NTSR2: variants seen among roughly 807,000 people sequenced by gnomAD.
The protein encoded by NTSR2 is neurotensin receptor type 2.
A neutral mutation model predicts 24.1 loss-of-function variants in NTSR2; 22 were observed. The ratio of observed to expected loss-of-function variants is 0.91; its 90% CI spans 0.65 to 1.30. NTSR2 has a LOEUF of 1.30. NTSR2 is among the 50% of genes most tolerant of loss of function. The pLI, the probability that NTSR2 is intolerant of heterozygous loss-of-function variation, is 0.00. For missense variants in NTSR2, 570 were observed against 570.4 expected (o/e 1.00, Z 0.01); for synonymous variants, 291 against 267.0 (o/e 1.09, Z -0.88).
chr2:11,667,640 G>A (rs568572428), intron 1 of NTSR2, among the ~76,000 whole-genome samples: 7 of 152,224 alleles, frequency 4.6e-5, no homozygotes, highest in African/African-American at 1.4e-4. Flanking sequence ...CTACTGCACC[G>A]AGCCTTATAA....
chr2:11,669,459 C>CGGGGCGGGGGG, intron 1 of NTSR2, 47 bp downstream of exon 1: 20 of 337,884 alleles, frequency 5.9e-5, no homozygotes, highest in East Asian at 1.7e-4. Flanking sequence ...CTCCCAGCAC[C>CGGGGCGGGGGG]GCCCCCCCAC....
chr2:11,662,884 A>G (rs766843674), intron 1 of NTSR2, among the ~76,000 whole-genome samples: 7 of 152,246 alleles, frequency 4.6e-5, no homozygotes, highest in Non-Finnish European at 8.8e-5. Flanking sequence ...AAATAGACTC[A>G]TAGCAAGTCT....
At chr2:11,669,460 G>GGGGGCGGGGGGGCCCCCCCCCCCCCCCCC in intron 1 of NTSR2, 46 bp downstream of exon 1, 1 of 254,726 alleles carries the variant, frequency 3.9e-6, no homozygotes. Context: ...TCCCAGCACC[G>GGGGGCGGGGGGGCCCCCCCCCCCCCCCCC]CCCCCCCACC....
chr2:11,669,857 G>A lies in NTSR2; in HGVS notation c.273C>T (p.Leu91=). ...LLLLVGVPVE[L]YSFVWFHYPW... is the part of the protein sequence containing the mutation. ...GGTAGTGGAACCACACGAAGCTGTA[G>A]AGCTCCACCGGCACGCCGACCAGCA... The change falls in exon 1 of 4, where the codon CTC becomes CTT. Residue 91 remains leucine (L), a synonymous_variant. Transcript: ENST00000306928. 3.2e-6 allele frequency: 5 copies of A among 1,585,604 alleles called. No homozygotes were observed. The highest frequency in any genetic ancestry group is 4.3e-6 in the Non-Finnish European group (5 of 1,172,520).
intron 1 of NTSR2, among the ~76,000 whole-genome samples, chr2:11,662,997 T>C (rs192762436): frequency 1.6e-4 from 24 of 152,310 alleles, no homozygotes; most frequent in Admixed American, 5.2e-4. Context: ...CAGAATGACA[T>C]TCACTTCTTA....
At chr2:11,664,362 C>G (rs940783153) in intron 1 of NTSR2, among the ~76,000 whole-genome samples, 9 of 152,158 alleles carry the variant, frequency 5.9e-5, no homozygotes, top group African/African-American at 2.2e-4. Context: ...AAGCAATCTG[C>G]CCACCTTGGC....
intron 1 of NTSR2, among the ~76,000 whole-genome samples, chr2:11,669,096 C>T (rs1303318873): frequency 6.6e-6 from 1 of 152,098 alleles, no homozygotes; most frequent in Admixed American, 6.5e-5. Flanking sequence ...GGAGTGCCTT[C>T]CCCGTCCCCA....
At chr2:11,666,498 A>G (rs1418420019) in intron 1 of NTSR2, among the ~76,000 whole-genome samples, 2 of 152,114 alleles carry the variant, frequency 1.3e-5, no homozygotes, top group African/African-American at 4.8e-5. Context: ...CAGGAGATCA[A>G]GACTATCCTG....
intron 2 of NTSR2, among the ~76,000 whole-genome samples, chr2:11,661,716 C>T (rs552529610): frequency 6.6e-6 from 1 of 152,314 alleles, no homozygotes; most frequent in African/African-American, 2.4e-5. Context: ...GTGGTCAGGT[C>T]TCTGTTTGCC....
At chr2:11,664,615 A>C (rs539258548) in intron 1 of NTSR2, among the ~76,000 whole-genome samples, 1 of 152,352 alleles carries the variant, frequency 6.6e-6, no homozygotes, top group Admixed American at 6.5e-5. Context: ...TTATATCAGT[A>C]ATGACATACT....
rs1442205542 is a variant in NTSR2, at chr2:11,660,057, A to G, written c.975T>C (p.Asp325=). The G allele has an allele frequency of 6.2e-7, 1 of 1,613,900 alleles. No individual in the cohort carries two copies. Among genetic ancestry groups the G allele is most frequent in the South Asian group, 1.1e-5 (1 of 91,082 alleles). The change falls in exon 3 of 4, where the codon GAT becomes GAC. Residue 325 remains aspartate, a synonymous_variant. Transcript: ENST00000306928. ...ARRLMYCYVP[D]DAWTDPLYNF... is the part of the protein sequence containing the mutation. The stretch of plus-strand genomic sequence containing the variant: ...GCCACACTCACTCAGTCCACGCGTC[A>G]TCAGGTACGTAGCAGTACATGAGCC...
At chr2:11,661,236 G>T (rs1306492596) in intron 2 of NTSR2, among the ~76,000 whole-genome samples, 1 of 152,204 alleles carries the variant, frequency 6.6e-6, no homozygotes, top group Non-Finnish European at 1.5e-5. Flanking sequence ...GAGCGCAATA[G>T]GTCTCAAAAG....
chr2:11,669,896 C>G lies in NTSR2; in HGVS notation c.234G>C (p.Ala78=). The change falls in exon 1 of 4, where the codon GCG becomes GCC. Residue 78 remains alanine (A), a synonymous_variant. Transcript: ENST00000306928. ...LRHHVLSLAL[A]GLLLLLVGVP... ...CGCCGACCAGCAGCAGCAGCAGGCC[C>G]GCGAGCGCCAGGCTGAGCACGTGGT... The G allele has an allele frequency of 1.3e-6, 2 of 1,574,562 alleles. No homozygotes were observed. Among genetic ancestry groups the G allele is most frequent in the Non-Finnish European group, 1.7e-6 (2 of 1,166,804 alleles).
Position 11,658,403 on chromosome 2 carries a change from T to C in NTSR2, c.*76A>G. 1.3e-6 allele frequency: 2 copies of C among 1,514,240 alleles called. No individual in the cohort carries two copies. Among genetic ancestry groups the C allele is most frequent in the Admixed American group, 2.2e-5 (1 of 45,822 alleles). The allele number at this position is 1,514,240 out of a possible 1,614,324, so 93.8% of individuals were successfully genotyped here. ...GCTGCGAAGCTTGAATGATTAGTGATGAGGTTGCTCACCTGCTTTGCCAGG... is the reference window on the plus strand; with the variant it reads ...GCTGCGAAGCTTGAATGATTAGTGACGAGGTTGCTCACCTGCTTTGCCAGG... On this transcript the variant is annotated 3_prime_UTR_variant, in exon 4 of 4. Coordinates refer to ENST00000306928, the MANE Select transcript of NTSR2 (RefSeq NM_012344.4).
At chr2:11,659,942 G>A in intron 3 of NTSR2, 101 bp downstream of exon 3, 1 of 873,530 alleles carries the variant, frequency 1.1e-6, no homozygotes, top group Admixed American at 2.0e-5. Context: ...GGATTCCAGA[G>A]GACCCAGCAA....
Position 11,669,890 on chromosome 2 carries a change from C to T in NTSR2, c.240G>A (p.Leu80=), listed in dbSNP as rs376195308. Residue 80 remains leucine, a synonymous_variant, in exon 1 of 4, where the codon CTG becomes CTA. Coordinates refer to ENST00000306928, the MANE Select transcript of NTSR2 (RefSeq NM_012344.4). The part of the protein sequence containing the change: ...HHVLSLALAG[L]LLLLVGVPVE... Reference sequence around the variant, plus strand: ...CCGGCACGCCGACCAGCAGCAGCAGCAGGCCCGCGAGCGCCAGGCTGAGCA... The same window carrying T: ...CCGGCACGCCGACCAGCAGCAGCAGTAGGCCCGCGAGCGCCAGGCTGAGCA... The T allele has an allele frequency of 1.3e-4, 201 of 1,577,722 alleles. No homozygotes were observed. Among genetic ancestry groups the T allele is most frequent in the Non-Finnish European group, 1.5e-4 (174 of 1,168,458 alleles).
chr2:11,658,535 G>T lies in NTSR2; in HGVS notation c.1177C>A (p.Pro393Thr). ...MKRLPPKPQS[P>T]TLMDTASGFG... ...CCTGAAGCTGTATCCATTAGGGTGGGACTCTGGGGCTTCGGGGGTAACCGC... is the reference window on the plus strand; with the variant it reads ...CCTGAAGCTGTATCCATTAGGGTGGTACTCTGGGGCTTCGGGGGTAACCGC... The change falls in exon 4 of 4, where the codon CCC becomes ACC. Residue 393 changes from proline to threonine, a missense_variant. Coordinates refer to ENST00000306928, the MANE Select transcript of NTSR2 (RefSeq NM_012344.4). The T allele has an allele frequency of 1.9e-6, 3 of 1,614,184 alleles. No individual in the cohort carries two copies. The highest frequency in any genetic ancestry group is 2.5e-6 in the Non-Finnish European group (3 of 1,180,018).
chr2:11,662,730 G>A (rs762121000), intron 1 of NTSR2, among the ~76,000 whole-genome samples: 10 of 152,116 alleles, frequency 6.6e-5, no homozygotes, highest in Non-Finnish European at 8.8e-5. Flanking sequence ...GCAGTGAGCC[G>A]AGATCATGCC....
rs919177096 is a variant in NTSR2 at position 11,662,192 on chromosome 2, G to A, written c.673C>T (p.Leu225=). 3.2e-6 allele frequency: 5 copies of A among 1,570,690 alleles called. No homozygotes were observed. The highest frequency in any genetic ancestry group is 3.5e-6 in the Non-Finnish European group (4 of 1,158,516). The change falls in exon 2 of 4, where the codon CTG becomes TTG. Residue 225 remains leucine (L), a synonymous_variant. Coordinates refer to ENST00000306928, the MANE Select transcript of NTSR2 (RefSeq NM_012344.4). ...AGGTGGCTCACTGTGACCCCATTCAGGAAAGCAGTTAGTGCCAAGGGGAGC... is the reference window on the plus strand; with the variant it reads ...AGGTGGCTCACTGTGACCCCATTCAAGAAAGCAGTTAGTGCCAAGGGGAGC... ...FVLPLALTAF[L]NGVTVSHLLA...
Sources: gnomAD v4.1 joint callset for allele counts (sites outside exome capture counted in the v4.1 genomes callset) on GRCh38, gnomAD v4.1.1 for gene constraint, MANE v1.5 for transcripts, NCBI Gene and HGNC (gene_info 2026-07-23, HGNC 2026-07-21) for gene names.